GRM7: variants seen among roughly 807,000 people sequenced by gnomAD.
GRM7 encodes glutamate metabotropic receptor 7.
In GRM7, 35 loss-of-function variants were observed where a neutral mutation model predicts 84.5. That is an observed-to-expected ratio of 0.41 (90% CI 0.32 to 0.55). The LOEUF (loss-of-function observed/expected upper bound fraction) is 0.55, where lower values mean the gene tolerates loss of function less well. GRM7 is among the 20% of genes least tolerant of loss of function. The pLI is 0.19. For missense variants in GRM7, 1,003 were observed against 1,194.6 expected (o/e 0.84, Z 2.36); for synonymous variants, 487 against 455.1 (o/e 1.07, Z -0.89).
chr3:7,447,826 G>A (rs1332234773), intron 5 of GRM7, among the ~76,000 whole-genome samples: 2 of 151,108 alleles, frequency 1.3e-5, no homozygotes, highest in African/African-American at 4.9e-5. Flanking sequence ...GTATACATGT[G>A]CCATGCTGGT....
intron 8 of GRM7, among the ~76,000 whole-genome samples, chr3:7,585,052 T>A (rs574835574): frequency 3.9e-5 from 6 of 152,326 alleles, no homozygotes; most frequent in African/African-American, 1.4e-4. Flanking sequence ...ATATTTTCTC[T>A]TCTAGCATGC....
intron 2 of GRM7, among the ~76,000 whole-genome samples, chr3:7,263,969 T>A (rs184488958): frequency 7.4e-4 from 113 of 152,170 alleles, no homozygotes; most frequent in African/African-American, 2.6e-3. Context: ...CAAAGTGGTA[T>A]GAGAGAGGCT....
At chr3:7,028,196 T>C (rs916992423) in intron 1 of GRM7, among the ~76,000 whole-genome samples, 1 of 152,206 alleles carries the variant, frequency 6.6e-6, no homozygotes, top group Non-Finnish European at 1.5e-5. Context: ...CAGCTTACTA[T>C]TTAATAAATG....
chr3:7,004,538 T>C (rs1695118361), intron 1 of GRM7, among the ~76,000 whole-genome samples: 1 of 152,156 alleles, frequency 6.6e-6, no homozygotes, highest in African/African-American at 2.4e-5. Context: ...AAGGGTTACG[T>C]GAAATATCTG....
At chr3:7,387,433 T>G (rs1389843945) in intron 4 of GRM7, among the ~76,000 whole-genome samples, 1 of 152,260 alleles carries the variant, frequency 6.6e-6, no homozygotes, top group Non-Finnish European at 1.5e-5. Flanking sequence ...GTCTTACTTT[T>G]AAGTCTTTAA....
chr3:7,152,960 A>G, intron 2 of GRM7, among the ~76,000 whole-genome samples: 1 of 152,044 alleles, frequency 6.6e-6, no homozygotes, highest in East Asian at 1.9e-4. Context: ...AGGGACACAA[A>G]AAAGGCTGGG....
At chr3:7,562,150 C>T (rs902643869) in intron 7 of GRM7, among the ~76,000 whole-genome samples, 7 of 152,052 alleles carry the variant, frequency 4.6e-5, no homozygotes, top group African/African-American at 1.7e-4. Flanking sequence ...TAACCCATTG[C>T]CCTGTAAGAC....
chr3:7,394,857 G>T (rs1045557267), intron 4 of GRM7, among the ~76,000 whole-genome samples: 1 of 152,062 alleles, frequency 6.6e-6, no homozygotes, highest in Admixed American at 6.6e-5. Context: ...GACCAATATG[G>T]TGAAATCCTG....
At chr3:7,472,995 C>T (rs1377321864) in intron 7 of GRM7, among the ~76,000 whole-genome samples, 1 of 152,188 alleles carries the variant, frequency 6.6e-6, no homozygotes, top group East Asian at 1.9e-4. Flanking sequence ...CATGAGTTAG[C>T]AGTTCCACTT....
At chr3:7,601,019 G>A (rs542818032) in intron 8 of GRM7, among the ~76,000 whole-genome samples, 1 of 152,188 alleles carries the variant, frequency 6.6e-6, no homozygotes, top group South Asian at 2.1e-4. Context: ...GCCGTGATTT[G>A]CCCTGCCATG....
chr3:7,172,486 C>T (rs998946366), intron 2 of GRM7, among the ~76,000 whole-genome samples: 2 of 152,088 alleles, frequency 1.3e-5, no homozygotes, highest in East Asian at 3.9e-4. Flanking sequence ...AAACAGTGCT[C>T]ACATCTTTTA....
At chr3:7,119,010 A>G (rs78472613) in intron 1 of GRM7, among the ~76,000 whole-genome samples, 2,175 of 152,194 alleles carry the variant, frequency 0.014, 45 homozygotes, top group African/African-American at 0.05. Flanking sequence ...GGAGCATTCT[A>G]ATTTCTTGGG....
chr3:7,231,994 G>A (rs1443167549), intron 2 of GRM7, among the ~76,000 whole-genome samples: 3 of 152,164 alleles, frequency 2.0e-5, no homozygotes, highest in Admixed American at 2.0e-4. Flanking sequence ...GTGCTGAACC[G>A]AAGTACACAG....
At chr3:7,471,686 G>A (rs114719099) in intron 7 of GRM7, among the ~76,000 whole-genome samples, 1,616 of 152,140 alleles carry the variant, frequency 0.011, 12 homozygotes, top group Non-Finnish European at 0.017. Context: ...GTAGGTAACC[G>A]TATTCCAACT....
intron 8 of GRM7, among the ~76,000 whole-genome samples, chr3:7,645,767 G>A (rs569784458): frequency 5.9e-4 from 90 of 152,106 alleles, no homozygotes; most frequent in Middle Eastern, 3.4e-3. Flanking sequence ...ACCTGTTTAC[G>A]ACTGAGCTAT....
At chr3:7,129,620 T>C (rs1365528084) in intron 1 of GRM7, among the ~76,000 whole-genome samples, 1 of 152,104 alleles carries the variant, frequency 6.6e-6, no homozygotes, top group African/African-American at 2.4e-5. Flanking sequence ...TCTTTTTCCA[T>C]ATCCCCTTTC....
chr3:7,302,115 C>T (rs1285496232), intron 3 of GRM7, among the ~76,000 whole-genome samples: 1 of 151,352 alleles, frequency 6.6e-6, no homozygotes, highest in Non-Finnish European at 1.5e-5. Flanking sequence ...ATAAAAGGAA[C>T]CCTTACATTT....
At chr3:7,135,134 T>C (rs931755252) in intron 1 of GRM7, among the ~76,000 whole-genome samples, 4 of 152,212 alleles carry the variant, frequency 2.6e-5, no homozygotes, top group African/African-American at 9.7e-5. Flanking sequence ...AGATTATTAG[T>C]TATCTCTCAG....
intron 7 of GRM7, among the ~76,000 whole-genome samples, chr3:7,546,957 C>T (rs1379680928): frequency 6.6e-6 from 1 of 152,108 alleles, no homozygotes. Context: ...TAGTAAACAG[C>T]TCTTTTTTGG....
Sources: gnomAD v4.1 joint callset for allele counts (sites outside exome capture counted in the v4.1 genomes callset) on GRCh38, gnomAD v4.1.1 for gene constraint, MANE v1.5 for transcripts, NCBI Gene and HGNC (gene_info 2026-07-23, HGNC 2026-07-21) for gene names.